COL4A4: variants seen among roughly 807,000 people sequenced by gnomAD.
COL4A4 encodes collagen alpha-4(IV) chain.
Under a neutral mutation model 192.9 loss-of-function variants are expected in COL4A4, and 105 were observed. That is an observed-to-expected ratio of 0.54 (90% CI 0.46 to 0.64). The LOEUF (loss-of-function observed/expected upper bound fraction) is 0.64. COL4A4 is among the 30% of genes least tolerant of loss of function. The probability of loss-of-function intolerance (pLI) is 0.00; values close to 1 mark genes in which losing one functional copy is unlikely to be tolerated. For synonymous variants in COL4A4, 762 were observed against 769.9 expected (o/e 0.99, Z 0.17); for missense variants, 1,967 against 2,169.3 (o/e 0.91, Z 1.85).
intron 22 of COL4A4, among the ~76,000 whole-genome samples, chr2:227,083,658 T>C (rs1465042581): frequency 6.6e-6 from 1 of 151,420 alleles, no homozygotes; most frequent in East Asian, 2.0e-4. Flanking sequence ...CTTGCTGTAT[T>C]GCCCAGGCTG....
chr2:227,085,278 A>G (rs1193796788), intron 22 of COL4A4, among the ~76,000 whole-genome samples: 4 of 152,158 alleles, frequency 2.6e-5, no homozygotes, highest in African/African-American at 9.7e-5. Flanking sequence ...GTGGGTAGGC[A>G]TGGGGGGAAT....
chr2:226,994,100 C>G, the COL4A4 span, among the ~76,000 whole-genome samples: 1 of 152,200 alleles, frequency 6.6e-6, no homozygotes, highest in Non-Finnish European at 1.5e-5. Context: ...GGCACCTTCC[C>G]AGTCTGCCTC....
chr2:226,998,996 T>G (rs996951886), downstream of COL4A4: 13 of 152,222 alleles, frequency 8.5e-5, no homozygotes, highest in African/African-American at 3.1e-4. Context: ...CCAGCCCCCA[T>G]CTGAATCCTG....
At chr2:227,094,718 C>T (rs1258767595) in intron 19 of COL4A4, among the ~76,000 whole-genome samples, 1 of 152,194 alleles carries the variant, frequency 6.6e-6, no homozygotes, top group East Asian at 1.9e-4. Context: ...CCACCCCCCA[C>T]AAATGATAAC....
At chr2:227,132,195 T>G (rs918085680) in intron 4 of COL4A4, among the ~76,000 whole-genome samples, 1 of 152,100 alleles carries the variant, frequency 6.6e-6, no homozygotes, top group Non-Finnish European at 1.5e-5. Context: ...CACCAAATTG[T>G]CCACCTGGGG....
chr2:227,119,619 A>G (rs2061670375), intron 6 of COL4A4, among the ~76,000 whole-genome samples: 1 of 148,702 alleles, frequency 6.7e-6, no homozygotes, highest in South Asian at 2.1e-4. Flanking sequence ...GATTGAAAGT[A>G]ACAGCAAAAA....
At chr2:227,136,269 T>C (rs2062808158) in intron 4 of COL4A4, among the ~76,000 whole-genome samples, 1 of 152,178 alleles carries the variant, frequency 6.6e-6, no homozygotes, top group African/African-American at 2.4e-5. Context: ...TAGGGGGCTC[T>C]GGCAGGGAGA....
intron 25 of COL4A4, among the ~76,000 whole-genome samples, chr2:227,073,612 A>T (rs1005686199): frequency 6.6e-6 from 1 of 152,140 alleles, no homozygotes; most frequent in African/African-American, 2.4e-5. Flanking sequence ...AAAAGAACAA[A>T]TCTGGAGACA....
chr2:227,041,735 G>A (rs1970939281), intron 37 of COL4A4, among the ~76,000 whole-genome samples: 1 of 55,504 alleles, frequency 1.8e-5, no homozygotes, highest in African/African-American at 8.3e-5. Context: ...AGGAAGGAAG[G>A]AAGGAAGGAA....
At chr2:227,090,777 A>AAAAT (rs752109683) in intron 20 of COL4A4, among the ~76,000 whole-genome samples, 7 of 151,234 alleles carry the variant, frequency 4.6e-5, no homozygotes, top group African/African-American at 9.7e-5. Context: ...GTAAATAAAT[A>AAAAT]AAATAAATAA....
At chr2:227,091,940 A>G (rs2059961490) in intron 20 of COL4A4, among the ~76,000 whole-genome samples, 1 of 151,844 alleles carries the variant, frequency 6.6e-6, no homozygotes, top group African/African-American at 2.4e-5. Context: ...AGAAAAGAAA[A>G]GAAAAGAAAA....
chr2:227,045,917 A>ATT lies in COL4A4; in HGVS notation c.3289+1557_3289+1558insAA, dbSNP rs1333581357. Among the ~76,000 whole-genome samples, 130 of 74,468 alleles carry ATT rather than the reference A, an allele frequency of 1.7e-3. 27 individuals are homozygous for ATT. The highest frequency in any genetic ancestry group is 7.6e-3 in the African/African-American group (120 of 15,894). 48.9% of individuals were successfully genotyped at this position (74,468 alleles called of 152,430 possible). On this transcript the variant is annotated intron_variant, in intron 35 of 47. Coordinates refer to ENST00000396625, the MANE Select transcript of COL4A4 (RefSeq NM_000092.5). Reference sequence around the variant, plus strand: ...ATTTAGATAGTATATATATGTATGTATATGTATATGTATATATGTATATAT... The same window carrying ATT: ...ATTTAGATAGTATATATATGTATGTATTTATGTATATGTATATATGTATATAT...
chr2:227,035,276 T>C (rs1969384613), intron 37 of COL4A4, among the ~76,000 whole-genome samples: 1 of 152,224 alleles, frequency 6.6e-6, no homozygotes, highest in Non-Finnish European at 1.5e-5. Flanking sequence ...TTTATTTGTA[T>C]GCCATATCTT....
rs752721473 is a variant in COL4A4 at position 227,123,275 on chromosome 2, T to C, written c.193-2127A>G. Among the ~76,000 whole-genome samples the C allele has an allele frequency of 5.9e-5, 9 of 152,188 alleles. No individual in the cohort carries two copies. The highest frequency in any genetic ancestry group is 8.8e-5 in the Non-Finnish European group (6 of 68,040). Reference sequence around the variant, plus strand: ...TGCAAGAACATTCACCACAGTGTTATATGCAATAGCAAGAGAAACCGGAAA... The same window carrying C: ...TGCAAGAACATTCACCACAGTGTTACATGCAATAGCAAGAGAAACCGGAAA... On this transcript the variant is annotated intron_variant, in intron 4 of 47. Transcript: ENST00000396625. This position sits in a 1 kb window ranked among gnomAD's most constrained non-coding sequence, Gnocchi z 4.6.
chr2:227,001,878 A>AAAGT (rs1273133060), downstream of COL4A4, among the ~76,000 whole-genome samples: 225 of 151,820 alleles, frequency 1.5e-3, no homozygotes, highest in African/African-American at 4.5e-3. Flanking sequence ...TTCCTACTTA[A>AAAGT]AAGTAAGTCC....
chr2:227,048,077 A>G (rs12474622), intron 34 of COL4A4, among the ~76,000 whole-genome samples: 77,902 of 151,914 alleles, frequency 0.51, 20,114 homozygotes, highest in South Asian at 0.63. Context: ...CAGTCCCACA[A>G]AGCTACTGGT....
In COL4A4 at chr2:227,007,464, G is replaced by A; in HGVS notation, c.4934C>T (p.Ala1645Val). 1 of 1,614,144 alleles carries A rather than the reference G, an allele frequency of 6.2e-7. No homozygotes were observed. Among genetic ancestry groups the A allele is most frequent in the Non-Finnish European group, 8.5e-7 (1 of 1,180,030 alleles). Residue 1645 changes from alanine (A) to valine (V), a missense_variant, in exon 48 of 48, where the codon GCA becomes GTA. By Grantham distance (64) the Ala-to-Val change is moderately conservative. Transcript: ENST00000396625. The stretch of plus-strand genomic sequence containing the variant: ...TGTGAGCCAGAAGCTATACTTATTT[G>A]CGAAAAAGTGGCAAGTTCCCTGCCG... Reference protein sequence around the residue: ...QGRQGTCHFFANKYSFWLTTV... With the variant: ...QGRQGTCHFFVNKYSFWLTTV...
intron 4 of COL4A4, among the ~76,000 whole-genome samples, 168 bp downstream of exon 4, chr2:227,139,993 T>C (rs1435189928): frequency 2.0e-5 from 3 of 152,208 alleles, no homozygotes. Context: ...GCCTGGACTG[T>C]CTAATATAGT....
intron 12 of COL4A4, among the ~76,000 whole-genome samples, chr2:227,106,477 C>A (rs1461942241): frequency 6.6e-6 from 1 of 152,172 alleles, no homozygotes; most frequent in Non-Finnish European, 1.5e-5. Context: ...GCATAAATAG[C>A]AACCATTTAG....
Sources: allele counts gnomAD v4.1 joint callset (sites outside exome capture counted in the v4.1 genomes callset), GRCh38; gene constraint gnomAD v4.1.1; non-coding constraint Gnocchi (gnomAD v3.1); transcripts MANE v1.5; gene names NCBI Gene and HGNC (gene_info 2026-07-23, HGNC 2026-07-21).